The following PCDHA13 variants were observed in gnomAD, a reference collection of about 807,000 sequenced individuals.
The protein encoded by PCDHA13 is protocadherin alpha 13, also known as protocadherin alpha-13.
A neutral mutation model predicts 64.8 loss-of-function variants in PCDHA13; 54 were observed. That is an observed-to-expected ratio of 0.83 (90% CI 0.67 to 1.04). The LOEUF (loss-of-function observed/expected upper bound fraction) is 1.04, where lower values mean the gene tolerates loss of function less well. PCDHA13 is among the 50% of genes least tolerant of loss of function. PCDHA13 has a pLI of 0.00. For synonymous variants in PCDHA13, 587 were observed against 564.4 expected (o/e 1.04, Z -0.57); for missense variants, 1,248 against 1,254.3 (o/e 0.99, Z 0.08).
At position 141,009,870 on chromosome 5, in the gene PCDHA13, A is replaced by G. The variant is rs1554262513; in HGVS notation, c.2786A>G (p.Lys929Arg). 1.9e-6 allele frequency: 3 copies of G among 1,614,114 alleles called. No homozygotes were observed. Among genetic ancestry groups the G allele is most frequent in the South Asian group, 2.2e-5 (2 of 91,074 alleles). ...GAGACCAAGAAAAAGAAGAAAAAGA[A>G]GAAGGGTAACAAGACCCAGGAGAAA... ...KEETKKKKKK[K>R]KGNKTQEKKE... The change falls in exon 4 of 4, where the codon AAG (lysine) becomes AGG (arginine). Residue 929 changes from lysine to arginine, a missense_variant. Physicochemically the swap from Lys to Arg is conservative, Grantham distance 26. Coordinates refer to ENST00000289272, the MANE Select transcript of PCDHA13 (RefSeq NM_018904.3).
In PCDHA13 at chr5:140,883,169, G is replaced by C. The variant is rs1554177001; in HGVS notation, c.901G>C (p.Glu301Gln). The change falls in exon 1 of 4, where the codon GAA (glutamate) becomes CAA (glutamine). Residue 301 changes from glutamate (E) to glutamine (Q), a missense_variant. By Grantham distance (29) the Glu-to-Gln change is conservative. Coordinates refer to ENST00000289272, the MANE Select transcript of PCDHA13 (RefSeq NM_018904.3). ...ATTTACCATAAATCCGAACAATGGAGAAATTAGGACAAAAGGCAAACTAGA... is the reference window on the plus strand; with the variant it reads ...ATTTACCATAAATCCGAACAATGGACAAATTAGGACAAAAGGCAAACTAGA... ...YAFTINPNNG[E>Q]IRTKGKLDFE... 6.2e-7 allele frequency: 1 copy of C among 1,613,950 alleles called. No individual in the cohort carries two copies. The highest frequency in any genetic ancestry group is 1.7e-5 in the Admixed American group (1 of 59,976).
intron 1 of PCDHA13, among the ~76,000 whole-genome samples, chr5:140,915,139 G>C (rs2153533338): frequency 6.6e-6 from 1 of 151,944 alleles, no homozygotes; most frequent in Non-Finnish European, 1.5e-5. Flanking sequence ...AGTAGAGACG[G>C]GGTTTCACCA....
At chr5:140,989,619 TC>T (rs2097351060) in intron 3 of PCDHA13, among the ~76,000 whole-genome samples, 1 of 152,196 alleles carries the variant, frequency 6.6e-6, no homozygotes. Flanking sequence ...TGAAAGTCTG[TC>T]CTAGTGACAG....
chr5:140,882,300 C>T lies in PCDHA13; in HGVS notation c.32C>T (p.Pro11Leu). Residue 11 changes from proline (P) to leucine (L), a missense_variant, in exon 1 of 4, where the codon CCG becomes CTG. Physicochemically the swap from Pro to Leu is moderately conservative, Grantham distance 98. Coordinates refer to ENST00000289272, the MANE Select transcript of PCDHA13 (RefSeq NM_018904.3). The part of the protein sequence containing the change: MLSSWQGGPR[P>L]RQLLLWLLIL... ...TCTTCCTGGCAAGGAGGCCCAAGACCGCGGCAACTACTGCTCTGGCTTCTG... is the reference window on the plus strand; with the variant it reads ...TCTTCCTGGCAAGGAGGCCCAAGACTGCGGCAACTACTGCTCTGGCTTCTG... 1.2e-6 allele frequency: 2 copies of T among 1,613,722 alleles called. No individual in the cohort carries two copies. Among genetic ancestry groups the T allele is most frequent in the Non-Finnish European group, 1.7e-6 (2 of 1,179,700 alleles).
chr5:140,926,985 G>A, intron 1 of PCDHA13: 1 of 1,611,068 alleles, frequency 6.2e-7, no homozygotes, highest in Non-Finnish European at 8.5e-7. Flanking sequence ...AGGAGACGGA[G>A]CGGGGCGTAG....
At chr5:141,006,837 TG>T (rs1477008780) in intron 3 of PCDHA13, among the ~76,000 whole-genome samples, 2 of 152,186 alleles carry the variant, frequency 1.3e-5, no homozygotes, top group African/African-American at 4.8e-5. Context: ...TGTAATTTAC[TG>T]AAACTGGAAA....
intron 1 of PCDHA13, among the ~76,000 whole-genome samples, chr5:140,923,822 T>C (rs1377526546): frequency 6.6e-6 from 1 of 152,156 alleles, no homozygotes; most frequent in Non-Finnish European, 1.5e-5. Flanking sequence ...AAAATAGACG[T>C]CAGTGGCAGT....
intron 1 of PCDHA13, among the ~76,000 whole-genome samples, chr5:140,938,897 G>A (rs72800999): frequency 0.012 from 1,856 of 151,306 alleles, 24 homozygotes; most frequent in Non-Finnish European, 0.018. Flanking sequence ...ACACAGATGC[G>A]CACACACACA....
chr5:140,987,407 T>C (rs1301920693), intron 3 of PCDHA13, among the ~76,000 whole-genome samples: 3 of 152,148 alleles, frequency 2.0e-5, no homozygotes, highest in Non-Finnish European at 4.4e-5. Flanking sequence ...CATCTGTTTA[T>C]GGTTCTTGTG....
intron 1 of PCDHA13, among the ~76,000 whole-genome samples, chr5:140,925,197 A>G (rs1259349657): frequency 1.3e-5 from 2 of 152,310 alleles, no homozygotes; most frequent in East Asian, 3.9e-4. Context: ...CCCAGCTTCA[A>G]TAATTATCGA....
chr5:140,972,583 T>G (rs1445659828), intron 1 of PCDHA13, among the ~76,000 whole-genome samples: 1 of 152,088 alleles, frequency 6.6e-6, no homozygotes, highest in African/African-American at 2.4e-5. Flanking sequence ...TAGGGCAGAA[T>G]TTCTCTTTGG....
intron 3 of PCDHA13, among the ~76,000 whole-genome samples, chr5:141,007,475 C>G (rs575810038): frequency 1.3e-5 from 2 of 151,322 alleles, no homozygotes; most frequent in Non-Finnish European, 2.9e-5. Context: ...GGCTGAGGCA[C>G]GAGAATTACT....
At chr5:140,955,590 C>CTT (rs1554221986) in intron 1 of PCDHA13, among the ~76,000 whole-genome samples, 2 of 152,132 alleles carry the variant, frequency 1.3e-5, no homozygotes, top group East Asian at 3.9e-4. Context: ...AAACCTCTTT[C>CTT]TTTTATAAAT....
intron 1 of PCDHA13, among the ~76,000 whole-genome samples, chr5:140,915,554 G>A (rs1276502641): frequency 6.6e-6 from 1 of 152,036 alleles, no homozygotes; most frequent in Non-Finnish European, 1.5e-5. Context: ...ATAAGATCCA[G>A]AATGATTATC....
intron 3 of PCDHA13, among the ~76,000 whole-genome samples, chr5:140,995,446 T>C (rs2097684088): frequency 6.6e-6 from 1 of 152,206 alleles, no homozygotes; most frequent in Non-Finnish European, 1.5e-5. Flanking sequence ...TTAAAACTTA[T>C]GAATTGTTTA....
intron 2 of PCDHA13, among the ~76,000 whole-genome samples, chr5:140,980,702 G>A (rs1472407152): frequency 6.6e-6 from 1 of 151,558 alleles, no homozygotes; most frequent in Non-Finnish European, 1.5e-5. Flanking sequence ...AAAGCCAAAT[G>A]TGCTCCTATT....
intron 3 of PCDHA13, among the ~76,000 whole-genome samples, chr5:141,002,289 G>A (rs1468757497): frequency 1.3e-5 from 2 of 152,204 alleles, no homozygotes; most frequent in East Asian, 3.8e-4. Flanking sequence ...GGATGAATGG[G>A]GAGCAAAGGG....
intron 1 of PCDHA13, among the ~76,000 whole-genome samples, chr5:140,921,145 T>G (rs2080047732): frequency 4.1e-5 from 1 of 24,298 alleles, no homozygotes; most frequent in Admixed American, 5.4e-4. Flanking sequence ...TACACCCAGC[T>G]AATGCATTTT....
chr5:140,972,773 T>C (rs201511055), intron 1 of PCDHA13, among the ~76,000 whole-genome samples: 2 of 151,600 alleles, frequency 1.3e-5, no homozygotes, highest in African/African-American at 2.4e-5. Context: ...AAGTGATTCT[T>C]CTGCCTCAGC....
Sources: gnomAD v4.1 joint callset for allele counts (sites outside exome capture counted in the v4.1 genomes callset) on GRCh38, gnomAD v4.1.1 for gene constraint, MANE v1.5 for transcripts, NCBI Gene and HGNC (gene_info 2026-07-23, HGNC 2026-07-21) for gene names.